Variants in PTBP2 observed in about 807,000 individuals in gnomAD.
The protein encoded by PTBP2 is polypyrimidine tract binding protein 2.
Under a neutral mutation model 61.4 loss-of-function variants are expected in PTBP2, and 13 were observed. The ratio of observed to expected loss-of-function variants is 0.21; its 90% CI spans 0.14 to 0.34. The LOEUF (loss-of-function observed/expected upper bound fraction) is 0.34, where lower values mean the gene tolerates loss of function less well. PTBP2 is among the 10% of genes least tolerant of loss of function. PTBP2 has a pLI of 1.00. For missense variants in PTBP2, 405 were observed against 642.6 expected (o/e 0.63, Z 4.00); for synonymous variants, 215 against 218.5 (o/e 0.98, Z 0.14).
chr1:96,775,141 G>A (rs1444118575), intron 5 of PTBP2, among the ~76,000 whole-genome samples: 1 of 152,144 alleles, frequency 6.6e-6, no homozygotes, highest in Non-Finnish European at 1.5e-5. Flanking sequence ...TGTTAACTCC[G>A]AATGAGATAC....
intron 5 of PTBP2, among the ~76,000 whole-genome samples, chr1:96,774,275 C>T (rs1379633421): frequency 6.6e-6 from 1 of 152,116 alleles, no homozygotes; most frequent in African/African-American, 2.4e-5. Context: ...CTGTTTTTCA[C>T]CCACTCCCTC....
At chr1:96,801,879 A>AT (rs1661031130) in intron 8 of PTBP2, among the ~76,000 whole-genome samples, 1 of 149,048 alleles carries the variant, frequency 6.7e-6, no homozygotes, top group African/African-American at 2.5e-5. Flanking sequence ...AAAAAAAAAA[A>AT]GTTATTGGTT....
intron 8 of PTBP2, among the ~76,000 whole-genome samples, chr1:96,798,119 G>GGC: frequency 6.6e-6 from 1 of 151,582 alleles, no homozygotes; most frequent in African/African-American, 2.4e-5. Context: ...CAGGCGTGGT[G>GGC]TCTCATGCCT....
chr1:96,738,625 T>G (rs1469056990), intron 2 of PTBP2, among the ~76,000 whole-genome samples: 2 of 152,192 alleles, frequency 1.3e-5, no homozygotes, highest in African/African-American at 4.8e-5. Context: ...TTTCCTAGTT[T>G]GTAATATTGA....
intron 2 of PTBP2, among the ~76,000 whole-genome samples, chr1:96,750,890 C>T (rs1030335730): frequency 6.6e-6 from 1 of 151,966 alleles, no homozygotes; most frequent in Non-Finnish European, 1.5e-5. Context: ...TAAGACATGA[C>T]CTTATTTTTT....
At chr1:96,731,009 G>T (rs1433955284) in intron 2 of PTBP2, among the ~76,000 whole-genome samples, 1 of 151,352 alleles carries the variant, frequency 6.6e-6, no homozygotes, top group Non-Finnish European at 1.5e-5. Context: ...GAAGTCCACT[G>T]TTTTTTTTTA....
intron 11 of PTBP2, among the ~76,000 whole-genome samples, chr1:96,808,614 A>G (rs2101225974): frequency 6.6e-6 from 1 of 152,266 alleles, no homozygotes; most frequent in East Asian, 1.9e-4. Context: ...AAATTTGTAA[A>G]TCATTTATCC....
At chr1:96,750,170 C>T (rs1406645343) in intron 2 of PTBP2, among the ~76,000 whole-genome samples, 1 of 151,810 alleles carries the variant, frequency 6.6e-6, no homozygotes, top group Non-Finnish European at 1.5e-5. Context: ...GCTTCCAGGT[C>T]TAATCTTAGG....
chr1:96,754,299 G>A (rs1654912993), intron 3 of PTBP2, among the ~76,000 whole-genome samples: 1 of 151,990 alleles, frequency 6.6e-6, no homozygotes, highest in African/African-American at 2.4e-5. Flanking sequence ...ATTTTAAAAG[G>A]GCTCTCTCTT....
At chr1:96,760,295 A>G (rs1395519477) in intron 3 of PTBP2, among the ~76,000 whole-genome samples, 1 of 152,172 alleles carries the variant, frequency 6.6e-6, no homozygotes, top group Non-Finnish European at 1.5e-5. Context: ...TCATCAGGTG[A>G]TCACAAGTCA....
intron 3 of PTBP2, among the ~76,000 whole-genome samples, chr1:96,756,574 A>T (rs1655182599): frequency 6.6e-6 from 1 of 152,036 alleles, no homozygotes; most frequent in Non-Finnish European, 1.5e-5. Flanking sequence ...GGCCAAATAA[A>T]CTGTGGTGTA....
intron 2 of PTBP2, among the ~76,000 whole-genome samples, chr1:96,725,932 G>A (rs991746906): frequency 3.6e-4 from 54 of 151,442 alleles, no homozygotes; most frequent in Middle Eastern, 3.4e-3. Context: ...AAAATTAGCC[G>A]GGTGTGGTGA....
chr1:96,805,860 C>T (rs1265841017), intron 9 of PTBP2, among the ~76,000 whole-genome samples: 1 of 152,052 alleles, frequency 6.6e-6, no homozygotes, highest in Non-Finnish European at 1.5e-5. Context: ...GTTTAAAATT[C>T]CTATGCATGC....
chr1:96,802,662 G>T (rs759899900), intron 8 of PTBP2, among the ~76,000 whole-genome samples: 1 of 152,056 alleles, frequency 6.6e-6, no homozygotes, highest in Admixed American at 6.5e-5. Context: ...TTTGAGGCTT[G>T]GTACTGAACT....
At chr1:96,806,389 T>TA (rs778887386) in intron 9 of PTBP2, 30 bp from the exon 10 acceptor site, 7 of 1,512,652 alleles carry the variant, frequency 4.6e-6, no homozygotes, top group Middle Eastern at 1.7e-4. Context: ...CTTCTTGTCT[T>TA]ACGCTGCTTG....
chr1:96,794,874 G>A (rs1330988905), intron 8 of PTBP2, among the ~76,000 whole-genome samples: 1 of 152,178 alleles, frequency 6.6e-6, no homozygotes, highest in Non-Finnish European at 1.5e-5. Flanking sequence ...TCAGTTATGT[G>A]TGACGAATAG....
intron 2 of PTBP2, among the ~76,000 whole-genome samples, chr1:96,749,223 C>G (rs947624369): frequency 6.6e-6 from 1 of 151,948 alleles, no homozygotes; most frequent in Admixed American, 6.6e-5. Context: ...TGAGTAGACC[C>G]AAGATTCCCC....
At chr1:96,811,046 A>G (rs1342300714) in intron 11 of PTBP2, among the ~76,000 whole-genome samples, 2 of 152,012 alleles carry the variant, frequency 1.3e-5, no homozygotes, top group Admixed American at 1.3e-4. Context: ...ACAATCAGGA[A>G]GAGTGGACTC....
intron 11 of PTBP2, among the ~76,000 whole-genome samples, chr1:96,811,054 CTCTT>C (rs1280460024): frequency 6.6e-6 from 1 of 150,648 alleles, no homozygotes; most frequent in Non-Finnish European, 1.5e-5. Context: ...GAAGAGTGGA[CTCTT>C]TTTTTTTTTA....
Sources: allele counts gnomAD v4.1 joint callset (sites outside exome capture counted in the v4.1 genomes callset), GRCh38; gene constraint gnomAD v4.1.1; transcripts MANE v1.5; gene names NCBI Gene and HGNC (gene_info 2026-07-23, HGNC 2026-07-21).